Variants in LYSMD3 observed in about 807,000 individuals in gnomAD.
The protein encoded by LYSMD3 is lysM and putative peptidoglycan-binding domain-containing protein 3.
A neutral mutation model predicts 26.1 loss-of-function variants in LYSMD3; 13 were observed. The observed-to-expected ratio is 0.50, with a 90% CI of 0.32 to 0.79. The LOEUF (loss-of-function observed/expected upper bound fraction) is 0.79. LYSMD3 is among the 30% of genes least tolerant of loss of function. LYSMD3 has a pLI of 0.03. For synonymous variants in LYSMD3, 109 were observed against 119.4 expected, an observed-to-expected ratio of 0.91 and a Z score of 0.57; for missense variants, 331 against 362.5, an observed-to-expected ratio of 0.91 and a Z score of 0.71.
Position 90,518,968 on chromosome 5 carries a change from G to A in LYSMD3, c.772C>T (p.His258Tyr). 1.9e-6 allele frequency: 3 copies of A among 1,614,014 alleles called. No homozygotes were observed. Among genetic ancestry groups the A allele is most frequent in the Non-Finnish European group, 2.5e-6 (3 of 1,179,942 alleles). The change falls in exon 3 of 3, where the codon CAT (histidine) becomes TAT (tyrosine). Residue 258 changes from histidine (H) to tyrosine (Y), a missense_variant. Coordinates refer to ENST00000315948, the MANE Select transcript of LYSMD3 (RefSeq NM_198273.2). ...GGGGGTGTGATTTTTGAATGTAAAT[G>A]TGAAGAGTCCACTGTTGAATGATGA... ...VSHHSTVDSS[H>Y]LHSKITPPSQ...
At chr5:90,526,887 G>C (rs1008913717) in intron 1 of LYSMD3, 1 of 152,166 alleles carries the variant, frequency 6.6e-6, no homozygotes, top group Non-Finnish European at 1.5e-5. Flanking sequence ...TTTGCACATA[G>C]ATGAAAATGA....
intron 2 of LYSMD3, among the ~76,000 whole-genome samples, chr5:90,520,062 T>C (rs566590701): frequency 1.4e-4 from 22 of 152,254 alleles, no homozygotes; most frequent in Admixed American, 1.0e-3. Flanking sequence ...ATTTAAAAAA[T>C]TGGTAATTTA....
At chr5:90,524,615 C>T (rs1753170989) in intron 2 of LYSMD3, among the ~76,000 whole-genome samples, 2 of 152,090 alleles carry the variant, frequency 1.3e-5, no homozygotes, top group Admixed American at 6.5e-5. Flanking sequence ...TTTTTGGAGA[C>T]GGAGTCTCGC....
intron 1 of LYSMD3, 96 bp downstream of exon 1, chr5:90,529,352 T>C: frequency 2.2e-6 from 1 of 455,640 alleles, no homozygotes; most frequent in Non-Finnish European, 4.4e-6. Context: ...CCACCACACC[T>C]GTGGCCGAGG....
At chr5:90,521,791 A>G (rs768324514) in intron 2 of LYSMD3, among the ~76,000 whole-genome samples, 9 of 152,130 alleles carry the variant, frequency 5.9e-5, no homozygotes, top group Non-Finnish European at 1.2e-4. Context: ...GTTGCATTCA[A>G]GATTCCAACC....
chr5:90,524,951 A>G lies in LYSMD3; in HGVS notation c.255+84T>C, dbSNP rs891893087. ...CAAAAAATGGAGAAAGGAATAAACAAGGTAAAAAAGGACACAGAATTTATT... is the reference window on the plus strand; with the variant it reads ...CAAAAAATGGAGAAAGGAATAAACAGGGTAAAAAAGGACACAGAATTTATT... On this transcript the variant is annotated intron_variant, in intron 2 of 2. Transcript: ENST00000315948. 5 of 1,212,986 alleles carry G rather than the reference A, an allele frequency of 4.1e-6. No individual in the cohort carries two copies. In the African/African-American group the frequency reaches 7.7e-5, roughly 19 times the overall value. The allele number at this position is 1,212,986 out of a possible 1,614,324, so 75.1% of individuals were successfully genotyped here.
chr5:90,525,320 G>C lies in LYSMD3; in HGVS notation c.-11-20C>G, dbSNP rs1238405220. The C allele has an allele frequency of 2.6e-6, 4 of 1,561,192 alleles. No individual in the cohort carries two copies. In the East Asian group the frequency reaches 9.0e-5, roughly 35 times the overall value. On this transcript the variant is annotated intron_variant, in intron 1 of 2. Coordinates refer to ENST00000315948, the MANE Select transcript of LYSMD3 (RefSeq NM_198273.2). ...TAAAATCTGGAGGAAAAAAAAAGCA[G>C]AGAAAATTTTGGAATGTAGCTGATC...
At position 90,525,228 on chromosome 5, in the gene LYSMD3, A is replaced by G; in HGVS notation, c.62T>C (p.Val21Ala). ...GTCTGAACAATTTCCAAATGCATGTACTTGACCACTTGACTGAACTCCTGG... is the reference window on the plus strand; with the variant it reads ...GTCTGAACAATTTCCAAATGCATGTGCTTGACCACTTGACTGAACTCCTGG... Reference protein sequence around the residue: ...PLPGVQSSGQVHAFGNCSDSD... With the variant: ...PLPGVQSSGQAHAFGNCSDSD... Residue 21 changes from valine (V) to alanine (A), a missense_variant, in exon 2 of 3, where the codon GTA becomes GCA. Physicochemically the swap from Val to Ala is moderately conservative, Grantham distance 64 (BLOSUM62 0). Around this residue, in one of 3 missense-constraint regions of LYSMD3, gnomAD observed 262 missense variants for 267.3 expected, o/e 0.98. Transcript: ENST00000315948. 6.2e-7 allele frequency: 1 copy of G among 1,613,910 alleles called. No individual in the cohort carries two copies. The highest frequency in any genetic ancestry group is 8.5e-7 in the Non-Finnish European group (1 of 1,179,974).
rs1287530979 is a variant in LYSMD3, at chr5:90,517,817, T to C, written c.*1002A>G. ...CAGTTTTGACCCAATTATTTGTGCT[T>C]GATGGTGAAAATGGAGACAAATTTA... On this transcript the variant is annotated 3_prime_UTR_variant, in exon 3 of 3. Coordinates refer to ENST00000315948, the MANE Select transcript of LYSMD3 (RefSeq NM_198273.2). 6.6e-6 allele frequency: 1 copy of C among 152,532 alleles called. No individual in the cohort carries two copies. Among genetic ancestry groups the C allele is most frequent in the Non-Finnish European group, 1.5e-5 (1 of 67,946 alleles). The allele number at this position is 152,532 out of a possible 1,614,324, so 9.4% of individuals were successfully genotyped here.
At position 90,519,322 on chromosome 5, in the gene LYSMD3, C is replaced by G. The variant is rs779363515; in HGVS notation, c.418G>C (p.Glu140Gln). 1 of 1,613,946 alleles carries G rather than the reference C, an allele frequency of 6.2e-7. No individual in the cohort carries two copies. The highest frequency in any genetic ancestry group is 1.1e-5 in the South Asian group (1 of 91,066). The part of the protein sequence containing the change: ...SRHSSVQYSS[E>Q]QQEILPANDS... ...TTAGCTGGCAAAATTTCCTGTTGTT[C>G]GGAAGAGTATTGAACAGATGAATGA... The change falls in exon 3 of 3, where the codon GAA becomes CAA. Residue 140 changes from glutamate (E) to glutamine (Q), a missense_variant. Physicochemically the swap from Glu to Gln is conservative, Grantham distance 29. Around this residue, in one of 3 missense-constraint regions of LYSMD3, gnomAD observed 262 missense variants for 267.3 expected, o/e 0.98. Transcript: ENST00000315948.
In LYSMD3 at chr5:90,517,490, C is replaced by G. The variant is rs895017813; in HGVS notation, c.*1329G>C. On this transcript the variant is annotated 3_prime_UTR_variant, in exon 3 of 3. Transcript: ENST00000315948. ...TCTGGTTACATTTTTAAAACACATA[C>G]TTTTAAAGATTAAATGATGGAATCA... 6.6e-6 allele frequency: 1 copy of G among 152,050 alleles called. No individual in the cohort carries two copies. Among genetic ancestry groups the G allele is most frequent in the African/African-American group, 2.4e-5 (1 of 41,520 alleles). The allele number at this position is 152,050 out of a possible 1,614,324, so 9.4% of individuals were successfully genotyped here.
Position 90,517,100 on chromosome 5 carries a change from C to G in LYSMD3, c.*1719G>C, listed in dbSNP as rs1012181268. The G allele has an allele frequency of 3.2e-4, 49 of 152,564 alleles. No individual in the cohort carries two copies. The highest frequency in any genetic ancestry group is 1.1e-3 in the African/African-American group (47 of 41,560). 9.5% of individuals were successfully genotyped at this position (152,564 alleles called of 1,614,324 possible). ...ACTCTTCTTTTCAAGATGCCCAAGG[C>G]ACATTAAAACTACTTTTTAAATGTT... On this transcript the variant is annotated 3_prime_UTR_variant, in exon 3 of 3. Coordinates refer to ENST00000315948, the MANE Select transcript of LYSMD3 (RefSeq NM_198273.2).
rs751303354 is a variant in LYSMD3, at chr5:90,529,543, G to T, written c.-107C>A. 6.6e-6 allele frequency: 3 copies of T among 456,676 alleles called. No individual in the cohort carries two copies. Among genetic ancestry groups the T allele is most frequent in the Non-Finnish European group, 8.8e-6 (2 of 226,952 alleles). The allele number at this position is 456,676 out of a possible 1,614,324, so 28.3% of individuals were successfully genotyped here. ...AAGTTCATGGCCGAGCCTCTGCTTT[G>T]GGCTGACCCCGTCCGCCTCCGCCTC... On this transcript the variant is annotated 5_prime_UTR_variant, in exon 1 of 3. Transcript: ENST00000315948.
Position 90,529,435 on chromosome 5 carries a change from C to A in LYSMD3, c.-12+13G>T. 1 of 456,660 alleles carries A rather than the reference C, an allele frequency of 2.2e-6. No individual in the cohort carries two copies. The highest frequency in any genetic ancestry group is 1.5e-5 in the South Asian group (1 of 64,572). The allele number at this position is 456,660 out of a possible 1,614,324, so 28.3% of individuals were successfully genotyped here. Reference sequence around the variant, plus strand: ...TGGACCGGGCTACCCTCACCTCCTGCCACCATCTTTACCTGTCCCCGTTAG... The same window carrying A: ...TGGACCGGGCTACCCTCACCTCCTGACACCATCTTTACCTGTCCCCGTTAG... On this transcript the variant is annotated intron_variant, in intron 1 of 2. Transcript: ENST00000315948.
rs894560149 is a variant in LYSMD3, at chr5:90,516,253, A to G, written c.*2566T>C. 19 of 152,238 alleles carry G rather than the reference A, an allele frequency of 1.2e-4. No homozygotes were observed. Among genetic ancestry groups the G allele is most frequent in the African/African-American group, 3.6e-4 (15 of 41,562 alleles). The allele number at this position is 152,238 out of a possible 1,614,324, so 9.4% of individuals were successfully genotyped here. ...CATATCTTTTGAAAATATGAACTCC[A>G]TAACTTCCTAGGAGTGAGATAGCAA... On this transcript the variant is annotated 3_prime_UTR_variant, in exon 3 of 3. Transcript: ENST00000315948.
rs1752995377 is a variant in LYSMD3 at position 90,518,187 on chromosome 5, A to G, written c.*632T>C. 1 of 152,198 alleles carries G rather than the reference A, an allele frequency of 6.6e-6. No individual in the cohort carries two copies. Among genetic ancestry groups the G allele is most frequent in the African/African-American group, 2.4e-5 (1 of 41,460 alleles). 9.4% of individuals were successfully genotyped at this position (152,198 alleles called of 1,614,324 possible). ...TTACTGTCAGGTCTTCACCTATTCC[A>G]GTGTTCTACTGACTTCCCAACCATA... On this transcript the variant is annotated 3_prime_UTR_variant, in exon 3 of 3. Coordinates refer to ENST00000315948, the MANE Select transcript of LYSMD3 (RefSeq NM_198273.2).
At chr5:90,524,505 G>A (rs1753168221) in intron 2 of LYSMD3, among the ~76,000 whole-genome samples, 1 of 152,156 alleles carries the variant, frequency 6.6e-6, no homozygotes, top group African/African-American at 2.4e-5. Context: ...TTTCAATACT[G>A]AAATTCGTGG....
In LYSMD3 at chr5:90,525,421, A is replaced by G. The variant is rs1488687756; in HGVS notation, c.-11-121T>C. The G allele has an allele frequency of 3.9e-6, 4 of 1,034,342 alleles. No individual in the cohort carries two copies. In the African/African-American group the frequency reaches 4.9e-5, roughly 13 times the overall value. The allele number at this position is 1,034,342 out of a possible 1,614,324, so 64.1% of individuals were successfully genotyped here. On this transcript the variant is annotated intron_variant, in intron 1 of 2. Coordinates refer to ENST00000315948, the MANE Select transcript of LYSMD3 (RefSeq NM_198273.2). ...TTGTTTTAATGGTTTTAGTTATTTA[A>G]ACATTTAGGTTTAAGTTCGTTTTTT... is the stretch of plus-strand genomic sequence containing the variant.
At chr5:90,523,090 T>G (rs950319361) in intron 2 of LYSMD3, among the ~76,000 whole-genome samples, 1 of 152,126 alleles carries the variant, frequency 6.6e-6, no homozygotes, top group African/African-American at 2.4e-5. Flanking sequence ...CTATGACATA[T>G]TCTGTAATTT....
Sources: gnomAD v4.1 joint callset for allele counts (sites outside exome capture counted in the v4.1 genomes callset) on GRCh38, gnomAD v4.1.1 for gene constraint, gnomAD v4.1.1 regional missense constraint, MANE v1.5 for transcripts, NCBI Gene and HGNC (gene_info 2026-07-23, HGNC 2026-07-21) for gene names.